Variants in VPS37C observed in about 807,000 individuals in gnomAD.
VPS37C encodes vacuolar protein sorting-associated protein 37C.
VPS37C carries 9 observed loss-of-function variants against 16.1 expected under a neutral mutation model. The ratio of observed to expected loss-of-function variants is 0.56; its 90% CI spans 0.34 to 0.97. The LOEUF is 0.97. VPS37C is among the 50% of genes least tolerant of loss of function. The pLI, the probability that VPS37C is intolerant of heterozygous loss-of-function variation, is 0.02. For synonymous variants in VPS37C, 207 were observed against 206.4 expected (o/e 1.00, Z -0.02); for missense variants, 479 against 472.7 (o/e 1.01, Z -0.12).
chr11:61,149,017 C>T (rs1853258519), intron 1 of VPS37C, among the ~76,000 whole-genome samples: 1 of 152,254 alleles, frequency 6.6e-6, no homozygotes, highest in South Asian at 2.1e-4. Flanking sequence ...CGCGGTGGCT[C>T]ACGCCTGTAA....
rs151214498 is a variant in VPS37C at position 61,134,097 on chromosome 11, C to T, written c.204G>A (p.Ser68=). 9.3e-4 allele frequency: 1,506 copies of T among 1,613,944 alleles called. 20 individuals carry two copies. The South Asian group carries it at 0.015, about 16-fold the overall frequency. Residue 68 remains serine (S), a synonymous_variant, in exon 3 of 5, where the codon TCG becomes TCA. Coordinates refer to ENST00000301765, the MANE Select transcript of VPS37C (RefSeq NM_017966.5). The part of the protein sequence containing the change: ...GPLEISRSNL[S]DRYQELRKLV... ...GCTTCCGGAGCTCCTGGTATCTATC[C>T]GAGAGGTTTGAGCGGCTGATCTCCA...
At chr11:61,132,964 A>G (rs1019900989) in intron 4 of VPS37C, 2 of 550,524 alleles carry the variant, frequency 3.6e-6, no homozygotes, top group Non-Finnish European at 6.6e-6. Flanking sequence ...GGGAGAGTGG[A>G]GTAGGGAGCT....
chr11:61,138,888 C>A (rs1021557027), intron 1 of VPS37C, 53 bp from the exon 2 acceptor site: 13 of 1,530,972 alleles, frequency 8.5e-6, no homozygotes, highest in Non-Finnish European at 1.1e-5. Context: ...GACGAAGGGA[C>A]CCCCGAGCCT....
rs142765714 is a variant in VPS37C, at chr11:61,155,531, T to C, written c.-7+5860A>G. Among the ~76,000 whole-genome samples, 296 of 150,896 alleles carry C rather than the reference T, an allele frequency of 2.0e-3. 4 individuals are homozygous for C. Among genetic ancestry groups the C allele is most frequent in the African/African-American group, 7.0e-3 (286 of 41,086 alleles). On this transcript the variant is annotated intron_variant, in intron 1 of 4. Transcript: ENST00000301765. ...GCAAGAAGAAAAAAGGAAAGAAAAATAGCAGACTACTGATATGAAACAATG... is the reference window on the plus strand; with the variant it reads ...GCAAGAAGAAAAAAGGAAAGAAAAACAGCAGACTACTGATATGAAACAATG...
chr11:61,156,730 T>C (rs567603078), intron 1 of VPS37C, among the ~76,000 whole-genome samples: 1 of 152,338 alleles, frequency 6.6e-6, no homozygotes, highest in East Asian at 1.9e-4. Flanking sequence ...TTAAAAACTG[T>C]TTTATACGTA....
intron 1 of VPS37C, among the ~76,000 whole-genome samples, chr11:61,152,466 A>G (rs978694050): frequency 6.6e-6 from 1 of 152,156 alleles, no homozygotes; most frequent in African/African-American, 2.4e-5. Context: ...CCTTGTACAG[A>G]AAGTCTGCCC....
rs757928294 is a variant in VPS37C, at chr11:61,132,120, C to G, written c.768G>C (p.Ala256=). Residue 256 remains alanine, a synonymous_variant, in exon 5 of 5, where the codon GCG becomes GCC. Coordinates refer to ENST00000301765, the MANE Select transcript of VPS37C (RefSeq NM_017966.5). ...TCCTCTGTGGGGACCAGGAGTAACCCGCAGCACCCCTGGGTCCAAGCTGGG... is the reference window on the plus strand; with the variant it reads ...TCCTCTGTGGGGACCAGGAGTAACCGGCAGCACCCCTGGGTCCAAGCTGGG... The part of the protein sequence containing the change: ...PAAQLGPRGA[A]GYSWSPQRSM... The G allele has an allele frequency of 1.4e-6, 2 of 1,435,030 alleles. No individual in the cohort carries two copies. The highest frequency in any genetic ancestry group is 1.8e-6 in the Non-Finnish European group (2 of 1,090,228). 88.9% of individuals were successfully genotyped at this position (1,435,030 alleles called of 1,614,324 possible). A position where few individuals can be genotyped will look rare whatever the true frequency, so the allele number is the denominator to read the frequency against.
intron 2 of VPS37C, among the ~76,000 whole-genome samples, chr11:61,134,908 G>C (rs1277362861): frequency 6.6e-6 from 1 of 152,228 alleles, no homozygotes; most frequent in Non-Finnish European, 1.5e-5. Context: ...CAGTGAGACA[G>C]AAGCCAAGGC....
At chr11:61,136,580 C>T (rs1861379146) in intron 2 of VPS37C, among the ~76,000 whole-genome samples, 1 of 148,810 alleles carries the variant, frequency 6.7e-6, no homozygotes, top group African/African-American at 2.5e-5. Flanking sequence ...ATTAGGGGTT[C>T]AGTGTGAAGT....
intron 1 of VPS37C, among the ~76,000 whole-genome samples, chr11:61,154,941 C>G (rs886693587): frequency 6.6e-6 from 1 of 151,680 alleles, no homozygotes; most frequent in Non-Finnish European, 1.5e-5. Flanking sequence ...CCTGTCTCTA[C>G]AAAAAATAAA....
intron 1 of VPS37C, chr11:61,145,207 C>A (rs1853179761): frequency 6.6e-6 from 1 of 152,232 alleles, no homozygotes; most frequent in Non-Finnish European, 1.5e-5. Flanking sequence ...TAAAATGAAT[C>A]CCAGAAAGAA....
In VPS37C at chr11:61,131,479, C is replaced by T. The variant is rs1194543596; in HGVS notation, c.*341G>A. 3.3e-5 allele frequency: 8 copies of T among 239,174 alleles called. No individual in the cohort carries two copies. The East Asian group carries it at 5.5e-4, about 16-fold the overall frequency. 14.8% of individuals were successfully genotyped at this position (239,174 alleles called of 1,614,324 possible). On this transcript the variant is annotated 3_prime_UTR_variant, in exon 5 of 5. Transcript: ENST00000301765. ...CATAGAGATAACTCTGCACTGGGTT[C>T]AAATGGCCCTGAGTGCAGCCGCAAG...
At chr11:61,159,573 T>G (rs895605009) in intron 1 of VPS37C, among the ~76,000 whole-genome samples, 2 of 151,860 alleles carry the variant, frequency 1.3e-5, no homozygotes, top group Non-Finnish European at 2.9e-5. Context: ...AGCGGGTGGA[T>G]CACCTGAGCT....
intron 1 of VPS37C, among the ~76,000 whole-genome samples, chr11:61,157,202 G>A (rs1487745027): frequency 6.6e-6 from 1 of 152,114 alleles, no homozygotes; most frequent in Non-Finnish European, 1.5e-5. Context: ...TACAAACATG[G>A]GTATACAAAT....
At chr11:61,158,177 A>G (rs1853407851) in intron 1 of VPS37C, among the ~76,000 whole-genome samples, 1 of 152,270 alleles carries the variant, frequency 6.6e-6, no homozygotes, top group Non-Finnish European at 1.5e-5. Flanking sequence ...TACACGGAAT[A>G]TAATACTCAT....
chr11:61,140,939 G>A (rs1221786062), intron 1 of VPS37C, among the ~76,000 whole-genome samples: 1 of 152,166 alleles, frequency 6.6e-6, no homozygotes, highest in Non-Finnish European at 1.5e-5. Context: ...GGTCGGACAC[G>A]GTGGCTCACA....
At chr11:61,138,450 T>C (rs1185669096) in intron 2 of VPS37C, 3 of 395,154 alleles carry the variant, frequency 7.6e-6, no homozygotes, top group African/African-American at 6.0e-5. Context: ...TACCAGTGCT[T>C]TGAGGAGCTG....
At chr11:61,145,896 AG>A (rs1590790294) in intron 1 of VPS37C, among the ~76,000 whole-genome samples, 1 of 152,176 alleles carries the variant, frequency 6.6e-6, no homozygotes, top group Admixed American at 6.5e-5. Flanking sequence ...CCTGGCCCAG[AG>A]CCCCTCCCCC....
intron 1 of VPS37C, among the ~76,000 whole-genome samples, chr11:61,140,685 T>A (rs1478471733): frequency 6.6e-6 from 1 of 152,224 alleles, no homozygotes; most frequent in Admixed American, 6.5e-5. Flanking sequence ...TTTGAGAAGA[T>A]GACAGCTCTA....
Sources: gnomAD v4.1 joint callset for allele counts (sites outside exome capture counted in the v4.1 genomes callset) on GRCh38, gnomAD v4.1.1 for gene constraint, MANE v1.5 for transcripts, NCBI Gene and HGNC (gene_info 2026-07-23, HGNC 2026-07-21) for gene names.